Variants in DACH1 observed in about 807,000 individuals in gnomAD.
DACH1 encodes dachshund family transcription factor 1.
A neutral mutation model predicts 54.2 loss-of-function variants in DACH1; 12 were observed. That is an observed-to-expected ratio of 0.22 (90% CI 0.14 to 0.36). DACH1 has a LOEUF of 0.36. Among genes scored for constraint, DACH1 ranks in the 10% least tolerant of loss-of-function variants. The pLI is 1.00. For missense variants in DACH1, 805 were observed against 929.8 expected, an observed-to-expected ratio of 0.87 and a Z score of 1.75; for synonymous variants, 386 against 366.2, an observed-to-expected ratio of 1.05 and a Z score of -0.62.
intron 2 of DACH1, among the ~76,000 whole-genome samples, chr13:71,658,210 T>C (rs1205291326): frequency 1.3e-5 from 2 of 152,336 alleles, no homozygotes; most frequent in African/African-American, 4.8e-5. Flanking sequence ...CTTAGGGATG[T>C]ATATTTATTG....
At chr13:71,506,548 T>C (rs540759436) in intron 6 of DACH1, among the ~76,000 whole-genome samples, 1 of 152,024 alleles carries the variant, frequency 6.6e-6, no homozygotes, top group African/African-American at 2.4e-5. Context: ...GTTGGACATT[T>C]GGGTTGGTTC....
At chr13:71,576,698 G>A (rs772603022) in intron 3 of DACH1, among the ~76,000 whole-genome samples, 1 of 152,020 alleles carries the variant, frequency 6.6e-6, no homozygotes, top group East Asian at 1.9e-4. Flanking sequence ...CTTTGTCAAG[G>A]TTCCCTATTC....
chr13:71,812,203 T>TA (rs959988658), intron 1 of DACH1, among the ~76,000 whole-genome samples: 1 of 152,266 alleles, frequency 6.6e-6, no homozygotes, highest in East Asian at 1.9e-4. Flanking sequence ...TGCATTTTAA[T>TA]AAAAAAAGTT....
chr13:71,781,576 C>T (rs1486997236), intron 1 of DACH1, among the ~76,000 whole-genome samples: 1 of 151,872 alleles, frequency 6.6e-6, no homozygotes, highest in Non-Finnish European at 1.5e-5. Flanking sequence ...GACGGGGTTT[C>T]ACCGTGTTAG....
intron 1 of DACH1, among the ~76,000 whole-genome samples, chr13:71,808,432 C>G (rs555872283): frequency 2.6e-4 from 39 of 152,170 alleles, no homozygotes; most frequent in African/African-American, 7.5e-4. Context: ...GATCAAAGCT[C>G]TAAACAAATT....
intron 1 of DACH1, among the ~76,000 whole-genome samples, chr13:71,851,103 C>T (rs1451349877): frequency 6.6e-6 from 1 of 152,154 alleles, no homozygotes; most frequent in African/African-American, 2.4e-5. Context: ...TTTTCAGTGT[C>T]AGAACATCAG....
At chr13:71,628,454 C>T (rs1238326291) in intron 3 of DACH1, among the ~76,000 whole-genome samples, 2 of 151,984 alleles carry the variant, frequency 1.3e-5, no homozygotes, top group Non-Finnish European at 2.9e-5. Context: ...TATAAATGAC[C>T]TGAATGCCTT....
At chr13:71,595,473 G>C (rs141205808) in intron 3 of DACH1, among the ~76,000 whole-genome samples, 2 of 152,092 alleles carry the variant, frequency 1.3e-5, no homozygotes, top group Non-Finnish European at 1.5e-5. Context: ...AGACTTTCAC[G>C]ATAATTCCAG....
chr13:71,497,839 A>G (rs915232941), intron 6 of DACH1, among the ~76,000 whole-genome samples: 4 of 150,724 alleles, frequency 2.7e-5, no homozygotes, highest in African/African-American at 9.8e-5. Context: ...AGGTGGCAGG[A>G]CCTAGAGGAA....
rs1340707990 is a variant in DACH1 at position 71,664,008 on chromosome 13, T to TTTTTACAATA, written c.964+17786_964+17787insTATTGTAAAA. Among the ~76,000 whole-genome samples, 23 of 152,026 alleles carry TTTTTACAATA rather than the reference T, an allele frequency of 1.5e-4. No homozygotes were observed. In the South Asian group the frequency reaches 4.8e-3, roughly 32 times the overall value. On this transcript the variant is annotated intron_variant, in intron 2 of 10. Coordinates refer to ENST00000613252, the MANE Select transcript of DACH1 (RefSeq NM_080759.6). ...TTAGGTTGCAAATACCCAATGCTAT[T>TTTTTACAATA]GTAAAAAAAATCTCCAGTGTGAAGT... is the stretch of plus-strand genomic sequence containing the variant.
At chr13:71,670,058 T>C (rs1880117985) in intron 2 of DACH1, among the ~76,000 whole-genome samples, 1 of 152,020 alleles carries the variant, frequency 6.6e-6, no homozygotes, top group Non-Finnish European at 1.5e-5. Context: ...ATTCATTTTC[T>C]AGGAATTAGG....
chr13:71,781,670 G>GCGC (rs1886390358), intron 1 of DACH1, among the ~76,000 whole-genome samples: 1 of 152,136 alleles, frequency 6.6e-6, no homozygotes, highest in African/African-American at 2.4e-5. Flanking sequence ...GAGCCACCAT[G>GCGC]CCTGGCCAAG....
intron 1 of DACH1, among the ~76,000 whole-genome samples, chr13:71,688,781 A>C (rs1881316673): frequency 6.6e-6 from 1 of 152,250 alleles, no homozygotes; most frequent in South Asian, 2.1e-4. Context: ...ACACCAAATG[A>C]ATAAATACAT....
chr13:71,566,394 G>A (rs953736464), intron 4 of DACH1, among the ~76,000 whole-genome samples: 4 of 152,146 alleles, frequency 2.6e-5, no homozygotes, highest in Admixed American at 6.5e-5. Flanking sequence ...GATCATGGTC[G>A]CAATTCATCA....
intron 2 of DACH1, among the ~76,000 whole-genome samples, chr13:71,658,345 T>C (rs999341381): frequency 6.6e-6 from 1 of 151,716 alleles, no homozygotes; most frequent in African/African-American, 2.4e-5. Flanking sequence ...TGTTCAGGAG[T>C]TTGAGACTAG....
At chr13:71,777,452 C>A (rs1025092997) in intron 1 of DACH1, among the ~76,000 whole-genome samples, 1 of 152,066 alleles carries the variant, frequency 6.6e-6, no homozygotes, top group African/African-American at 2.4e-5. Flanking sequence ...ATCGTTGATG[C>A]TAATCAAACT....
chr13:71,717,707 A>G (rs887664238), intron 1 of DACH1, among the ~76,000 whole-genome samples: 3 of 152,118 alleles, frequency 2.0e-5, no homozygotes, highest in Non-Finnish European at 4.4e-5. Context: ...AGTTTTCTTC[A>G]GATTCCTGCT....
intron 6 of DACH1, among the ~76,000 whole-genome samples, chr13:71,508,219 T>C (rs1880484228): frequency 6.6e-6 from 1 of 152,186 alleles, no homozygotes; most frequent in Admixed American, 6.5e-5. Flanking sequence ...GGTCAGCATA[T>C]TTGACTGTAA....
chr13:71,748,883 TTTC>T (rs1413748203), intron 1 of DACH1, among the ~76,000 whole-genome samples: 427 of 17,508 alleles, frequency 0.024, 12 homozygotes, highest in Middle Eastern at 0.14. Flanking sequence ...TCTTTCTTTC[TTTC>T]TTTCTTTCTT....
Sources: gnomAD v4.1 joint callset for allele counts (sites outside exome capture counted in the v4.1 genomes callset) on GRCh38, gnomAD v4.1.1 for gene constraint, MANE v1.5 for transcripts, NCBI Gene and HGNC (gene_info 2026-07-23, HGNC 2026-07-21) for gene names.